The following PTPRN2 variants were observed in gnomAD, a reference collection of about 807,000 sequenced individuals.
PTPRN2 encodes receptor-type tyrosine-protein phosphatase N2.
A neutral mutation model predicts 118.8 loss-of-function variants in PTPRN2; 74 were observed. The ratio of observed to expected loss-of-function variants is 0.62; its 90% CI spans 0.52 to 0.76. The LOEUF is 0.76. Ranked by LOEUF, PTPRN2 falls within the 30% of genes least tolerant of loss-of-function variation. The pLI is 0.00. For synonymous variants in PTPRN2, 641 were observed against 608.0 expected, an observed-to-expected ratio of 1.05 and a Z score of -0.80; for missense variants, 1,481 against 1,394.4, an observed-to-expected ratio of 1.06 and a Z score of -0.99.
At position 158,369,249 on chromosome 7, in the gene PTPRN2, T is replaced by TTA. The variant is rs770252182; in HGVS notation, c.164-52319_164-52318dup. On this transcript the variant is annotated intron_variant, in intron 2 of 22. Coordinates refer to ENST00000389418, the MANE Select transcript of PTPRN2 (RefSeq NM_002847.5). ...GAGTTAATACTTAGTAAACTCCCCT[T>TTA]TATATATATATACACACATACACAC... Among the ~76,000 whole-genome samples, 734 of 143,942 alleles carry TTA rather than the reference T, an allele frequency of 5.1e-3. 12 individuals are homozygous for TTA. The highest frequency in any genetic ancestry group is 0.017 in the Admixed American group (248 of 14,364). The allele number at this position is 143,942 out of a possible 152,430, so 94.4% of individuals were successfully genotyped here. A position where few individuals can be genotyped will look rare whatever the true frequency, so the allele number is the denominator to read the frequency against.
Position 157,587,351 on chromosome 7 carries a change from T to C in PTPRN2, c.2496+7887A>G, listed in dbSNP as rs1164413343. ...GACAGTCAGCTGTCAACTGTCATTCTCCTGCACCTCGGCCTTGTCACCGGT... is the reference window on the plus strand; with the variant it reads ...GACAGTCAGCTGTCAACTGTCATTCCCCTGCACCTCGGCCTTGTCACCGGT... On this transcript the variant is annotated intron_variant, in intron 17 of 22. Coordinates refer to ENST00000389418, the MANE Select transcript of PTPRN2 (RefSeq NM_002847.5). The surrounding 1 kb of genome is among the most constrained non-coding windows in gnomAD (Gnocchi z 5.3). Among the ~76,000 whole-genome samples, 1 of 152,162 alleles carries C rather than the reference T, an allele frequency of 6.6e-6. No individual in the cohort carries two copies. The highest frequency in any genetic ancestry group is 2.1e-4 in the South Asian group (1 of 4,814).
At chr7:158,472,700 T>C (rs977537417) in intron 2 of PTPRN2, among the ~76,000 whole-genome samples, 1 of 152,126 alleles carries the variant, frequency 6.6e-6, no homozygotes, top group Non-Finnish European at 1.5e-5. Flanking sequence ...ACCCCACCTC[T>C]ATGGAAACTG....
chr7:157,584,940 C>G (rs1030287481), intron 17 of PTPRN2, among the ~76,000 whole-genome samples: 4 of 152,200 alleles, frequency 2.6e-5, no homozygotes, highest in African/African-American at 9.7e-5. Context: ...GTCACAGGCT[C>G]CAGGCCACAG....
At chr7:158,441,951 T>C (rs62649338) in intron 2 of PTPRN2, among the ~76,000 whole-genome samples, 2 of 67,204 alleles carry the variant, frequency 3.0e-5, no homozygotes, top group African/African-American at 1.2e-4. Context: ...GTGGTGGTGA[T>C]AGTGATAGTG....
intron 14 of PTPRN2, among the ~76,000 whole-genome samples, chr7:157,642,814 C>CAAAAA (rs11335302): frequency 0.12 from 2,881 of 24,194 alleles, 716 homozygotes; most frequent in Non-Finnish European, 0.19. Flanking sequence ...CAAGAAACAG[C>CAAAAA]AAAAAAAAAA....
chr7:157,697,823 CACTGTCTACCCATGCAT>C (rs1277622904), intron 12 of PTPRN2, among the ~76,000 whole-genome samples: 1 of 144,758 alleles, frequency 6.9e-6, no homozygotes, highest in African/African-American at 2.6e-5. Context: ...GCAGAGCCCT[CACTGTCTACCCATGCAT>C]ACTGGATCTT....
chr7:158,401,046 C>G (rs566190118), intron 2 of PTPRN2, among the ~76,000 whole-genome samples: 7 of 152,314 alleles, frequency 4.6e-5, no homozygotes, highest in East Asian at 3.9e-4. Flanking sequence ...GGAACCGACA[C>G]GCACGAGATG....
intron 12 of PTPRN2, among the ~76,000 whole-genome samples, chr7:157,799,466 C>A (rs888052648): frequency 3.9e-5 from 6 of 152,098 alleles, no homozygotes; most frequent in Non-Finnish European, 8.8e-5. Flanking sequence ...ATTTCATTTT[C>A]CCCACCAGAG....
At chr7:158,050,594 T>C (rs1809250450) in intron 11 of PTPRN2, among the ~76,000 whole-genome samples, 1 of 152,176 alleles carries the variant, frequency 6.6e-6, no homozygotes, top group Admixed American at 6.5e-5. Flanking sequence ...TTCCCTCAGC[T>C]GCACACCCTC....
At chr7:157,879,946 T>G (rs1796021114) in intron 12 of PTPRN2, among the ~76,000 whole-genome samples, 1 of 152,200 alleles carries the variant, frequency 6.6e-6, no homozygotes, top group Non-Finnish European at 1.5e-5. Context: ...TTTTTCTCTT[T>G]CCATTGCTCT....
intron 11 of PTPRN2, among the ~76,000 whole-genome samples, chr7:158,013,622 ACATCTATCAATC>A (rs2128870414): frequency 1.3e-5 from 2 of 151,840 alleles, no homozygotes; most frequent in African/African-American, 4.8e-5. Context: ...CATCCATCAT[ACATCTATCAATC>A]CATCTATCAT....
chr7:158,289,750 TTGC>T (rs1264847100), intron 3 of PTPRN2, among the ~76,000 whole-genome samples: 1 of 152,198 alleles, frequency 6.6e-6, no homozygotes, highest in African/African-American at 2.4e-5. Flanking sequence ...GTTGTTGTTG[TTGC>T]CTTACGTTGA....
At position 157,881,946 on chromosome 7, in the gene PTPRN2, C is replaced by G. The variant is rs1447881936; in HGVS notation, c.1788+16727G>C. 6.6e-6 allele frequency among the ~76,000 whole-genome samples: 1 copy of G among 152,214 alleles called. No homozygotes were observed. Among genetic ancestry groups the G allele is most frequent in the East Asian group, 1.9e-4 (1 of 5,200 alleles). On this transcript the variant is annotated intron_variant, in intron 12 of 22. Coordinates refer to ENST00000389418, the MANE Select transcript of PTPRN2 (RefSeq NM_002847.5). The surrounding 1 kb of genome is among the most constrained non-coding windows in gnomAD (Gnocchi z 4.7). ...TCTAATGTAGGAGATGAGAACACATCACCCCAAAAATGACTGTCATACATC... is the reference window on the plus strand; with the variant it reads ...TCTAATGTAGGAGATGAGAACACATGACCCCAAAAATGACTGTCATACATC...
At chr7:158,582,796 CA>C (rs1156687117) in intron 1 of PTPRN2, among the ~76,000 whole-genome samples, 2,215 of 44,272 alleles carry the variant, frequency 0.05, 4 homozygotes, top group East Asian at 0.077. Flanking sequence ...GACTCCATCT[CA>C]AAAAAAAAAA....
intron 12 of PTPRN2, among the ~76,000 whole-genome samples, chr7:157,883,141 G>T (rs1276718340): frequency 6.7e-6 from 1 of 149,606 alleles, no homozygotes; most frequent in Non-Finnish European, 1.5e-5. Context: ...GACTGTCAGG[G>T]ATCAGAACAC....
At position 157,615,351 on chromosome 7, in the gene PTPRN2, G is replaced by A. The variant is rs77895495; in HGVS notation, c.2344+6011C>T. On this transcript the variant is annotated intron_variant, in intron 15 of 22. Coordinates refer to ENST00000389418, the MANE Select transcript of PTPRN2 (RefSeq NM_002847.5). The surrounding 1 kb of genome is among the most constrained non-coding windows in gnomAD (Gnocchi z 4.3). Reference sequence around the variant, plus strand: ...TGGGGTAGTGTAGGCTGCACTCTCCGGGGAGCCGCTGACCTTGGGCTCCCT... The same window carrying A: ...TGGGGTAGTGTAGGCTGCACTCTCCAGGGAGCCGCTGACCTTGGGCTCCCT... The A allele has an allele frequency of 5.3e-3, 2,318 of 440,538 alleles. 47 individuals are homozygous for A. Among genetic ancestry groups the A allele is most frequent in the African/African-American group, 0.042 (2,104 of 49,710 alleles). 27.3% of individuals were successfully genotyped at this position (440,538 alleles called of 1,614,324 possible).
At chr7:158,048,624 C>T (rs1367364080) in intron 11 of PTPRN2, among the ~76,000 whole-genome samples, 1 of 70,782 alleles carries the variant, frequency 1.4e-5, no homozygotes, top group East Asian at 3.7e-4. Flanking sequence ...TCACCACTAC[C>T]ACCATCACCA....
intron 2 of PTPRN2, among the ~76,000 whole-genome samples, chr7:158,381,066 G>A (rs893607238): frequency 7.2e-5 from 11 of 152,222 alleles, no homozygotes; most frequent in African/African-American, 2.2e-4. Flanking sequence ...TTTTCCTCCT[G>A]GGCCTCAGGG....
At chr7:158,302,890 G>A (rs1456200629) in intron 3 of PTPRN2, among the ~76,000 whole-genome samples, 7 of 152,156 alleles carry the variant, frequency 4.6e-5, no homozygotes, top group Non-Finnish European at 1.0e-4. Flanking sequence ...GAGGCTATGT[G>A]GCAGGAAATG....
Sources: allele counts gnomAD v4.1 joint callset (sites outside exome capture counted in the v4.1 genomes callset), GRCh38; gene constraint gnomAD v4.1.1; non-coding constraint Gnocchi (gnomAD v3.1); transcripts MANE v1.5; gene names NCBI Gene and HGNC (gene_info 2026-07-23, HGNC 2026-07-21).